The following ROR1 variants were observed in gnomAD, a reference collection of about 807,000 sequenced individuals.
ROR1 encodes ROR family WNT receptor 1, also known as inactive tyrosine-protein kinase transmembrane receptor ROR1.
In ROR1, 19 loss-of-function variants were observed where a neutral mutation model predicts 78.8. The observed-to-expected ratio is 0.24, with a 90% CI of 0.17 to 0.35. The LOEUF is 0.35. Among genes scored for constraint, ROR1 ranks in the 10% least tolerant of loss-of-function variants. ROR1 has a pLI of 1.00. For synonymous variants in ROR1, 386 were observed against 433.6 expected, an observed-to-expected ratio of 0.89 and a Z score of 1.36; for missense variants, 917 against 1,177.8, an observed-to-expected ratio of 0.78 and a Z score of 3.24.
intron 1 of ROR1, among the ~76,000 whole-genome samples, chr1:63,830,029 T>C (rs1644977940): frequency 2.0e-5 from 3 of 151,980 alleles, no homozygotes; most frequent in African/African-American, 7.3e-5. Flanking sequence ...AAAAAAACCT[T>C]CATAAAAACT....
intron 1 of ROR1, among the ~76,000 whole-genome samples, chr1:63,982,060 C>T (rs1407037479): frequency 1.3e-5 from 2 of 152,008 alleles, no homozygotes; most frequent in African/African-American, 4.8e-5. Flanking sequence ...CAACAAGCAC[C>T]ATTCTAGTTG....
intron 1 of ROR1, among the ~76,000 whole-genome samples, chr1:63,860,058 G>C (rs1444954947): frequency 1.3e-5 from 2 of 152,120 alleles, no homozygotes; most frequent in Non-Finnish European, 2.9e-5. Context: ...AGAGAGCAGA[G>C]GCCACATTCT....
chr1:64,005,561 G>C (rs1646420770), intron 1 of ROR1, among the ~76,000 whole-genome samples: 1 of 152,154 alleles, frequency 6.6e-6, no homozygotes, highest in Non-Finnish European at 1.5e-5. Flanking sequence ...GAATCCATCA[G>C]TGGAGATCCT....
intron 2 of ROR1, among the ~76,000 whole-genome samples, chr1:64,047,750 A>G (rs1646796121): frequency 6.6e-6 from 1 of 152,222 alleles, no homozygotes. Flanking sequence ...GAGCAAACAC[A>G]TTCGTGGATT....
chr1:63,795,850 A>C (rs1227897881), intron 1 of ROR1, among the ~76,000 whole-genome samples: 2 of 152,232 alleles, frequency 1.3e-5, no homozygotes, highest in Non-Finnish European at 2.9e-5. Flanking sequence ...TTTAATTTAG[A>C]AAATGCCATT....
chr1:63,883,162 G>C (rs1645334214), intron 1 of ROR1, among the ~76,000 whole-genome samples: 1 of 152,036 alleles, frequency 6.6e-6, no homozygotes, highest in Non-Finnish European at 1.5e-5. Context: ...ATTGTAGAAG[G>C]GATTTATGTA....
intron 1 of ROR1, among the ~76,000 whole-genome samples, chr1:63,987,562 CACAT>C (rs369457659): frequency 5.6e-4 from 85 of 152,298 alleles, no homozygotes; most frequent in African/African-American, 1.5e-3. Context: ...AATGCAGAGA[CACAT>C]GCATGCTTTC....
At chr1:63,869,249 A>G (rs1052164725) in intron 1 of ROR1, among the ~76,000 whole-genome samples, 4 of 152,250 alleles carry the variant, frequency 2.6e-5, no homozygotes, top group African/African-American at 9.6e-5. Context: ...TGATTATGGC[A>G]GTTGTTACTA....
chr1:64,175,210 T>A (rs980881269), intron 8 of ROR1, among the ~76,000 whole-genome samples: 10 of 152,078 alleles, frequency 6.6e-5, no homozygotes, highest in African/African-American at 2.4e-4. Context: ...TCGTAGTTTC[T>A]TTATTCTTAT....
chr1:63,941,132 G>A (rs940242539), intron 1 of ROR1, among the ~76,000 whole-genome samples: 2 of 152,090 alleles, frequency 1.3e-5, no homozygotes, highest in African/African-American at 4.8e-5. Flanking sequence ...ACCCTGGACT[G>A]GGTTTTGTGC....
intron 1 of ROR1, among the ~76,000 whole-genome samples, chr1:63,947,352 T>C (rs1013258080): frequency 2.0e-5 from 3 of 152,202 alleles, no homozygotes; most frequent in Admixed American, 2.0e-4. Context: ...CTGACCTCCA[T>C]GGATACTCCT....
intron 2 of ROR1, among the ~76,000 whole-genome samples, chr1:64,021,081 C>T (rs1014118723): frequency 2.0e-5 from 3 of 151,634 alleles, no homozygotes; most frequent in Non-Finnish European, 4.4e-5. Context: ...TTAGGAAGTT[C>T]AAATCCCCGC....
intron 7 of ROR1, chr1:64,143,150 C>A: frequency 1.0e-6 from 1 of 992,192 alleles, no homozygotes; most frequent in Non-Finnish European, 1.2e-6. Context: ...GCAGAAGAAG[C>A]ATATAGGTAT....
chr1:63,824,099 G>A (rs745551189), intron 1 of ROR1, among the ~76,000 whole-genome samples: 1 of 152,212 alleles, frequency 6.6e-6, no homozygotes, highest in Non-Finnish European at 1.5e-5. Context: ...AATACAATGA[G>A]CAACTAATCC....
intron 4 of ROR1, among the ~76,000 whole-genome samples, chr1:64,062,733 A>C (rs533240425): frequency 1.3e-5 from 2 of 152,220 alleles, no homozygotes; most frequent in South Asian, 4.1e-4. Context: ...TTATTGATTC[A>C]TCACGTCTTG....
intron 1 of ROR1, among the ~76,000 whole-genome samples, chr1:63,966,558 G>T (rs185596843): frequency 6.6e-6 from 1 of 152,210 alleles, no homozygotes; most frequent in African/African-American, 2.4e-5. Context: ...GTTAAGGAAA[G>T]GCTGAATGGG....
rs1485522234 is a variant in ROR1 at position 64,177,843 on chromosome 1, C to G, written c.1802C>G (p.Ala601Gly). 6.2e-7 allele frequency: 1 copy of G among 1,614,186 alleles called. No homozygotes were observed. The highest frequency in any genetic ancestry group is 1.1e-5 in the South Asian group (1 of 91,078). The change falls in exon 9 of 9, where the codon GCT becomes GGT. Residue 601 changes from alanine to glycine, a missense_variant. Physicochemically the swap from Ala to Gly is moderately conservative, Grantham distance 60. This residue lies in a region of ROR1 where 835 missense variants were observed against 1,069.8 expected (regional missense o/e 0.78). Coordinates refer to ENST00000371079, the MANE Select transcript of ROR1 (RefSeq NM_005012.4). ...DFLHIAIQIA[A>G]GMEYLSSHFF... ...CTGCACATTGCAATTCAGATTGCAG[C>G]TGGCATGGAATACCTGTCTAGTCAC...
chr1:64,091,335 C>T (rs1287642376), intron 4 of ROR1, among the ~76,000 whole-genome samples: 2 of 152,102 alleles, frequency 1.3e-5, no homozygotes, highest in Non-Finnish European at 2.9e-5. Flanking sequence ...TTTCACATTT[C>T]ACATTAACAA....
intron 2 of ROR1, chr1:64,029,082 C>T (rs891241213): frequency 9.2e-5 from 14 of 151,984 alleles, no homozygotes; most frequent in African/African-American, 3.4e-4. Context: ...GTTTTATGAT[C>T]ATTAATTATC....
Sources: allele counts gnomAD v4.1 joint callset (sites outside exome capture counted in the v4.1 genomes callset), GRCh38; gene constraint gnomAD v4.1.1; regional missense constraint gnomAD v4.1.1; transcripts MANE v1.5; gene names NCBI Gene and HGNC (gene_info 2026-07-23, HGNC 2026-07-21).